The following PHC2 variants were observed in gnomAD, a reference collection of about 807,000 sequenced individuals.
The protein encoded by PHC2 is polyhomeotic-like protein 2.
In PHC2, 29 loss-of-function variants were observed where a neutral mutation model predicts 87.4. The observed-to-expected ratio is 0.33, with a 90% CI of 0.25 to 0.45. The LOEUF (loss-of-function observed/expected upper bound fraction) is 0.45, where lower values mean the gene tolerates loss of function less well. Among genes scored for constraint, PHC2 ranks in the 20% least tolerant of loss-of-function variants. The pLI is 1.00. For missense variants in PHC2, 857 were observed against 1,136.7 expected, an observed-to-expected ratio of 0.75 and a Z score of 3.54; for synonymous variants, 438 against 461.7, an observed-to-expected ratio of 0.95 and a Z score of 0.66.
chr1:33,403,123 C>CT (rs34887101), intron 1 of PHC2, among the ~76,000 whole-genome samples: 43,106 of 74,642 alleles, frequency 0.58, 14,452 homozygotes, highest in African/African-American at 0.76. Context: ...GCCCGGCCCA[C>CT]TTTTTTTTTT....
intron 7 of PHC2, among the ~76,000 whole-genome samples, chr1:33,355,688 T>C (rs1647058206): frequency 6.6e-6 from 1 of 152,230 alleles, no homozygotes; most frequent in Admixed American, 6.5e-5. Context: ...GTGTGGCTAG[T>C]CCTCATCCAG....
chr1:33,423,856 T>C (rs1650554178), intron 1 of PHC2, among the ~76,000 whole-genome samples: 1 of 152,120 alleles, frequency 6.6e-6, no homozygotes, highest in East Asian at 1.9e-4. Flanking sequence ...CCCAGCACTA[T>C]GGGAGGCCGA....
chr1:33,425,645 G>T (rs1650639171), intron 1 of PHC2, among the ~76,000 whole-genome samples: 1 of 152,202 alleles, frequency 6.6e-6, no homozygotes, highest in Non-Finnish European at 1.5e-5. Flanking sequence ...AGTCTTAAAA[G>T]ATAAGTAGAA....
chr1:33,332,209 AGT>A lies in PHC2; in HGVS notation c.1891+64_1891+65del, dbSNP rs1417069083. The A allele has an allele frequency of 1.3e-6, 2 of 1,585,258 alleles. No individual in the cohort carries two copies. The highest frequency in any genetic ancestry group is 2.2e-5 in the East Asian group (1 of 44,696). On this transcript the variant is annotated intron_variant, in intron 11 of 14. Transcript: ENST00000683057. The surrounding 1 kb of genome is among the most constrained non-coding windows in gnomAD (Gnocchi z 4.2). ...TTCCTCTGGGGAAACAGAGAGAGGA[AGT>A]GTGTGAGGCCTGCCTTTCCAGCCAC...
At chr1:33,404,846 CCTTT>C (rs1649687458) in intron 1 of PHC2, among the ~76,000 whole-genome samples, 1 of 152,094 alleles carries the variant, frequency 6.6e-6, no homozygotes, top group African/African-American at 2.4e-5. Context: ...TCAGGAAAGG[CCTTT>C]CTGAGGAGGT....
chr1:33,402,934 A>G (rs4652877), intron 1 of PHC2, among the ~76,000 whole-genome samples: 73,632 of 150,696 alleles, frequency 0.49, 19,116 homozygotes, highest in South Asian at 0.62. Context: ...TCAGCCTCCC[A>G]AGTATCTGGG....
chr1:33,373,325 T>A (rs1482843546), intron 2 of PHC2, among the ~76,000 whole-genome samples: 1 of 152,138 alleles, frequency 6.6e-6, no homozygotes, highest in Non-Finnish European at 1.5e-5. Context: ...TTTACCATGT[T>A]GGCCAGGCTG....
chr1:33,378,364 A>G (rs983196992), intron 1 of PHC2, among the ~76,000 whole-genome samples: 8 of 152,228 alleles, frequency 5.3e-5, no homozygotes, highest in Non-Finnish European at 1.0e-4. Flanking sequence ...CAAATCAGTA[A>G]ATGATAGTTC....
Position 33,368,644 on chromosome 1 carries a change from G to A in PHC2, c.577-22C>T. 6.6e-7 allele frequency: 1 copy of A among 1,520,098 alleles called. No individual in the cohort carries two copies. The highest frequency in any genetic ancestry group is 1.2e-5 in the South Asian group (1 of 83,438). 94.2% of individuals were successfully genotyped at this position (1,520,098 alleles called of 1,614,324 possible). A position where few individuals can be genotyped will look rare whatever the true frequency, so the allele number is the denominator to read the frequency against. ...TGAGCTGAGGGGACAAAGGAACAGT[G>A]CCGCCTAGGCTCCTAGCTACCTGCA... is the stretch of plus-strand genomic sequence containing the variant. On this transcript the variant is annotated intron_variant, in intron 5 of 14. Coordinates refer to ENST00000683057, the MANE Select transcript of PHC2 (RefSeq NM_001385109.1). The surrounding 1 kb of genome is among the most constrained non-coding windows in gnomAD (Gnocchi z 6.6).
At chr1:33,377,361 A>C (rs1463604529) in intron 1 of PHC2, among the ~76,000 whole-genome samples, 1 of 152,166 alleles carries the variant, frequency 6.6e-6, no homozygotes, top group African/African-American at 2.4e-5. Context: ...AACCTTCTGG[A>C]ATCTCCTATC....
In PHC2 at chr1:33,355,066, C is replaced by T. The variant is rs1647044574; in HGVS notation, c.1164G>A (p.Gln388=). ...GCATGGCATGGGCCTCTGAGCTGGG[C>T]TGGAGGGCCACGCTTGGAGAGACTG... ...LASVSPSVAL[Q]PSSEAHAMPL... is the part of the protein sequence containing the mutation. The change falls in exon 8 of 15, where the codon CAG becomes CAA. Residue 388 remains glutamine (Q), a synonymous_variant. Transcript: ENST00000683057. The T allele has an allele frequency of 6.2e-7, 1 of 1,613,032 alleles. No individual in the cohort carries two copies. The highest frequency in any genetic ancestry group is 8.5e-7 in the Non-Finnish European group (1 of 1,179,738).
At chr1:33,428,381 T>C (rs1364916587) in intron 1 of PHC2, among the ~76,000 whole-genome samples, 2 of 152,242 alleles carry the variant, frequency 1.3e-5, no homozygotes, top group Admixed American at 6.5e-5. Flanking sequence ...GCAGACCGTA[T>C]TAAGCATGTC....
At chr1:33,342,033 C>G (rs970596004) in intron 9 of PHC2, among the ~76,000 whole-genome samples, 2 of 152,244 alleles carry the variant, frequency 1.3e-5, no homozygotes, top group African/African-American at 4.8e-5. Flanking sequence ...AGGGAAGGCA[C>G]AGCAGTGACA....
Position 33,349,571 on chromosome 1 carries a change from A to T in PHC2, c.1558+4830T>A. On this transcript the variant is annotated intron_variant, in intron 9 of 14. Coordinates refer to ENST00000683057, the MANE Select transcript of PHC2 (RefSeq NM_001385109.1). This position sits in a 1 kb window ranked among gnomAD's most constrained non-coding sequence, Gnocchi z 4.2. Reference sequence around the variant, plus strand: ...GGCCCCCGGCCTCCCTACTGGCGAGAACCCCTCCCCCGCCCCGGCACTGAC... The same window carrying T: ...GGCCCCCGGCCTCCCTACTGGCGAGTACCCCTCCCCCGCCCCGGCACTGAC... 1.0e-6 allele frequency: 1 copy of T among 983,014 alleles called. No homozygotes were observed. Among genetic ancestry groups the T allele is most frequent in the Non-Finnish European group, 1.2e-6 (1 of 828,394 alleles). The allele number at this position is 983,014 out of a possible 1,614,324, so 60.9% of individuals were successfully genotyped here.
chr1:33,358,628 T>C (rs993954987), intron 7 of PHC2, among the ~76,000 whole-genome samples: 1 of 152,202 alleles, frequency 6.6e-6, no homozygotes, highest in African/African-American at 2.4e-5. Context: ...AGTGCACAGA[T>C]CTGATCTCTC....
chr1:33,430,192 G>A (rs1272206043), intron 1 of PHC2, among the ~76,000 whole-genome samples: 2 of 152,132 alleles, frequency 1.3e-5, no homozygotes, highest in African/African-American at 4.8e-5. Flanking sequence ...TAGAACAGCC[G>A]CTTCCTCCGT....
At chr1:33,346,257 G>C in intron 9 of PHC2, 1 of 985,302 alleles carries the variant, frequency 1.0e-6, no homozygotes, top group Non-Finnish European at 1.2e-6. Flanking sequence ...GGCAGGCTCA[G>C]AGGGGCACCT....
At chr1:33,329,588 C>T (rs1343133993) in intron 13 of PHC2, among the ~76,000 whole-genome samples, 1 of 152,208 alleles carries the variant, frequency 6.6e-6, no homozygotes, top group Non-Finnish European at 1.5e-5. Flanking sequence ...GAGCCTAGTG[C>T]CTAACAGAGT....
chr1:33,343,314 A>AAAT (rs1553184336), intron 9 of PHC2, among the ~76,000 whole-genome samples: 63 of 151,790 alleles, frequency 4.2e-4, no homozygotes, highest in Non-Finnish European at 2.1e-4. Flanking sequence ...TACAAAAAAA[A>AAAT]AAATAAATAA....
Sources: gnomAD v4.1 joint callset for allele counts (sites outside exome capture counted in the v4.1 genomes callset) on GRCh38, gnomAD v4.1.1 for gene constraint, Gnocchi (gnomAD v3.1) non-coding constraint, MANE v1.5 for transcripts, NCBI Gene and HGNC (gene_info 2026-07-23, HGNC 2026-07-21) for gene names.